Variants in TBC1D5 observed in about 807,000 individuals in gnomAD.
The protein encoded by TBC1D5 is TBC1 domain family member 5, also known as TBC1 domain family, member 5.
A neutral mutation model predicts 100.3 loss-of-function variants in TBC1D5; 75 were observed. That is an observed-to-expected ratio of 0.75 (90% CI 0.62 to 0.91). The LOEUF (loss-of-function observed/expected upper bound fraction) is 0.91, where lower values mean the gene tolerates loss of function less well. TBC1D5 is among the 40% of genes least tolerant of loss of function. The probability of loss-of-function intolerance (pLI) is 0.00; values close to 1 mark genes in which losing one functional copy is unlikely to be tolerated. For missense variants in TBC1D5, 910 were observed against 942.4 expected (o/e 0.97, Z 0.45); for synonymous variants, 323 against 325.6 (o/e 0.99, Z 0.09).
At chr3:17,546,615 A>G (rs1321433816) in intron 2 of TBC1D5, among the ~76,000 whole-genome samples, 2 of 151,946 alleles carry the variant, frequency 1.3e-5, no homozygotes, top group South Asian at 2.1e-4. Flanking sequence ...ATACAAAAAA[A>G]AAAAATAACC....
At chr3:17,180,012 C>T (rs1024972444) in intron 19 of TBC1D5, among the ~76,000 whole-genome samples, 28 of 152,192 alleles carry the variant, frequency 1.8e-4, no homozygotes, top group African/African-American at 6.8e-4. Context: ...GTGTGAAGTA[C>T]GGCATATCTA....
intron 2 of TBC1D5, among the ~76,000 whole-genome samples, chr3:17,588,092 T>C (rs1321766141): frequency 6.6e-6 from 1 of 152,086 alleles, no homozygotes; most frequent in Non-Finnish European, 1.5e-5. Flanking sequence ...TGAGTAGTTG[T>C]AATGTGTTTT....
At chr3:17,238,872 T>C (rs1576202987) in intron 16 of TBC1D5, among the ~76,000 whole-genome samples, 1 of 152,190 alleles carries the variant, frequency 6.6e-6, no homozygotes, top group African/African-American at 2.4e-5. Flanking sequence ...TAAGAATAGA[T>C]TTCTTACCAG....
intron 13 of TBC1D5, among the ~76,000 whole-genome samples, chr3:17,364,382 T>G (rs763365087): frequency 4.6e-5 from 7 of 152,184 alleles, no homozygotes; most frequent in Non-Finnish European, 8.8e-5. Flanking sequence ...GGGAGGCATT[T>G]GAGATATATT....
At chr3:17,733,706 A>C (rs1176525481) in intron 1 of TBC1D5, among the ~76,000 whole-genome samples, 1 of 152,184 alleles carries the variant, frequency 6.6e-6, no homozygotes, top group Non-Finnish European at 1.5e-5. Context: ...ATTTCAAGTC[A>C]ATGAAATTAA....
At chr3:17,282,115 T>C (rs2080674659) in intron 15 of TBC1D5, among the ~76,000 whole-genome samples, 1 of 152,166 alleles carries the variant, frequency 6.6e-6, no homozygotes, top group South Asian at 2.1e-4. Flanking sequence ...ATTAAGGCCT[T>C]ATCAGCCACA....
intron 1 of TBC1D5, among the ~76,000 whole-genome samples, chr3:17,716,741 G>C (rs2075270718): frequency 6.6e-6 from 1 of 151,992 alleles, no homozygotes; most frequent in Admixed American, 6.6e-5. Context: ...GAGTTAGCCT[G>C]ATAAAATAAT....
chr3:17,230,526 T>C (rs141386996), intron 17 of TBC1D5, among the ~76,000 whole-genome samples: 1 of 152,268 alleles, frequency 6.6e-6, no homozygotes, highest in East Asian at 1.9e-4. Flanking sequence ...ATTGGAATCA[T>C]CTAATGTCAC....
intron 13 of TBC1D5, among the ~76,000 whole-genome samples, chr3:17,310,479 G>A (rs1413728109): frequency 2.0e-5 from 3 of 152,022 alleles, no homozygotes. Flanking sequence ...GTGTGTGTGA[G>A]TGCATGTAAA....
At chr3:17,404,820 T>A in intron 6 of TBC1D5, 52 bp from the exon 7 acceptor site, 1 of 1,578,672 alleles carries the variant, frequency 6.3e-7, no homozygotes, top group Non-Finnish European at 8.6e-7. Flanking sequence ...TACTGGACTT[T>A]AAAGTGTACA....
At chr3:17,715,200 G>A (rs2075120193) in intron 1 of TBC1D5, among the ~76,000 whole-genome samples, 1 of 152,104 alleles carries the variant, frequency 6.6e-6, no homozygotes, top group South Asian at 2.1e-4. Context: ...GGGAATACTG[G>A]GCATTGATCT....
chr3:17,719,079 A>G (rs1394740182), intron 1 of TBC1D5, among the ~76,000 whole-genome samples: 1 of 152,186 alleles, frequency 6.6e-6, no homozygotes, highest in Non-Finnish European at 1.5e-5. Context: ...TGCTTCCACC[A>G]AAGTTTTCAT....
At position 17,374,464 on chromosome 3, in the gene TBC1D5, GA is replaced by G. The variant is rs1559747863; in HGVS notation, c.822+6del. 1 of 1,609,298 alleles carries G rather than the reference GA, an allele frequency of 6.2e-7. No individual in the cohort carries two copies. Among genetic ancestry groups the G allele is most frequent in the South Asian group, 1.1e-5 (1 of 90,386 alleles). On this transcript the variant is annotated splice_donor_region_variant and intron_variant, in intron 12 of 21. Coordinates refer to ENST00000253692, the Ensembl canonical transcript of TBC1D5. ...TATACTGAAAAGATCTGTACTATAA[GA>G]TTTACCTTCTGACCATCATGCTCAA... is the stretch of plus-strand genomic sequence containing the variant.
intron 1 of TBC1D5, among the ~76,000 whole-genome samples, chr3:17,693,600 C>A (rs193091905): frequency 6.6e-6 from 1 of 152,382 alleles, no homozygotes; most frequent in African/African-American, 2.4e-5. Context: ...TGGGCGGAGC[C>A]CACTGCAGCT....
At chr3:17,641,052 T>G (rs2064449844) in intron 1 of TBC1D5, among the ~76,000 whole-genome samples, 1 of 152,110 alleles carries the variant, frequency 6.6e-6, no homozygotes, top group African/African-American at 2.4e-5. Flanking sequence ...TATTAAAAGT[T>G]AGAACAATTA....
chr3:17,577,127 A>G (rs1206337732), intron 2 of TBC1D5, among the ~76,000 whole-genome samples: 6 of 151,934 alleles, frequency 3.9e-5, no homozygotes, highest in Admixed American at 2.6e-4. Context: ...GGGGGTGGGG[A>G]GGGGAACTAC....
intron 2 of TBC1D5, among the ~76,000 whole-genome samples, chr3:17,622,367 A>G (rs2062737918): frequency 6.6e-6 from 1 of 151,996 alleles, no homozygotes; most frequent in East Asian, 1.9e-4. Context: ...AGTTACTCCA[A>G]TCCTCAAAAA....
intron 13 of TBC1D5, among the ~76,000 whole-genome samples, chr3:17,365,423 T>C (rs1274625673): frequency 1.3e-5 from 2 of 152,268 alleles, no homozygotes; most frequent in East Asian, 3.9e-4. Context: ...CCTTTGTAGG[T>C]CAAGTTTAAG....
chr3:17,674,180 G>C (rs1465923193), intron 1 of TBC1D5, among the ~76,000 whole-genome samples: 4 of 151,872 alleles, frequency 2.6e-5, no homozygotes, highest in Admixed American at 2.6e-4. Flanking sequence ...ACAAGTACAA[G>C]TTTTTCCATC....
Sources: allele counts gnomAD v4.1 joint callset (sites outside exome capture counted in the v4.1 genomes callset), GRCh38; gene constraint gnomAD v4.1.1; transcripts MANE v1.5; gene names NCBI Gene and HGNC (gene_info 2026-07-23, HGNC 2026-07-21).